Variants in THEMIS observed in about 807,000 individuals in gnomAD.
THEMIS encodes protein THEMIS.
A neutral mutation model predicts 52.6 loss-of-function variants in THEMIS; 37 were observed. The observed-to-expected ratio is 0.70, with a 90% CI of 0.54 to 0.93. The LOEUF (loss-of-function observed/expected upper bound fraction) is 0.93, where lower values mean the gene tolerates loss of function less well. Ranked by LOEUF, THEMIS falls within the 40% of genes least tolerant of loss-of-function variation. The pLI, the probability that THEMIS is intolerant of heterozygous loss-of-function variation, is 0.00. For synonymous variants in THEMIS, 292 were observed against 272.7 expected (o/e 1.07, Z -0.70); for missense variants, 808 against 763.1 (o/e 1.06, Z -0.69).
chr6:127,789,681 T>C (rs973497633), intron 4 of THEMIS, among the ~76,000 whole-genome samples: 3 of 152,118 alleles, frequency 2.0e-5, no homozygotes, highest in African/African-American at 7.2e-5. Flanking sequence ...TCCACCACCA[T>C]CAAGTCGGCT....
chr6:127,746,929 C>A (rs60047779), intron 4 of THEMIS, among the ~76,000 whole-genome samples: 5 of 33,068 alleles, frequency 1.5e-4, no homozygotes, highest in East Asian at 6.4e-3. Context: ...ATATAGATAT[C>A]TATAATTATA....
intron 4 of THEMIS, among the ~76,000 whole-genome samples, chr6:127,752,860 A>G (rs1420110218): frequency 6.6e-6 from 1 of 151,942 alleles, no homozygotes; most frequent in Non-Finnish European, 1.5e-5. Context: ...AAAGTCAGAC[A>G]AGAACCCAAA....
intron 4 of THEMIS, among the ~76,000 whole-genome samples, chr6:127,809,158 T>A (rs1281943997): frequency 6.6e-6 from 1 of 152,244 alleles, no homozygotes; most frequent in Non-Finnish European, 1.5e-5. Flanking sequence ...GAATAACTCT[T>A]ACTATTTGTT....
chr6:127,772,757 G>A (rs270013), intron 4 of THEMIS, among the ~76,000 whole-genome samples: 40,817 of 151,864 alleles, frequency 0.27, 6,947 homozygotes, highest in Non-Finnish European at 0.39. Context: ...TCTCAAATCC[G>A]ATATTATTAT....
rs560140269 is a variant in THEMIS at position 127,894,461 on chromosome 6, G to A, written c.91+6381C>T. On this transcript the variant is annotated intron_variant, in intron 1 of 5. Coordinates refer to ENST00000368248, the MANE Select transcript of THEMIS (RefSeq NM_001010923.3). ...AGAAATACATTATAATTAGATCTGAGGAATAATGAAAATGCTACATGGCAA... is the reference window on the plus strand; with the variant it reads ...AGAAATACATTATAATTAGATCTGAAGAATAATGAAAATGCTACATGGCAA... 6.6e-5 allele frequency among the ~76,000 whole-genome samples: 10 copies of A among 151,812 alleles called. No individual in the cohort carries two copies. In the South Asian group the frequency reaches 2.1e-3, roughly 31 times the overall value.
chr6:127,872,000 AAAT>A (rs905854241), intron 1 of THEMIS, among the ~76,000 whole-genome samples: 1 of 152,144 alleles, frequency 6.6e-6, no homozygotes, highest in East Asian at 1.9e-4. Context: ...CACATCAAAA[AAAT>A]AAACAAATAA....
upstream of THEMIS, among the ~76,000 whole-genome samples, chr6:127,902,338 A>AT (rs201752019): frequency 7.8e-3 from 1,159 of 148,840 alleles, 21 homozygotes; most frequent in African/African-American, 0.025. Flanking sequence ...AAAAAAAAAA[A>AT]AAAAAAATAA....
chr6:127,847,633 A>G (rs1407544915), intron 2 of THEMIS, among the ~76,000 whole-genome samples: 2 of 151,998 alleles, frequency 1.3e-5, no homozygotes, highest in Admixed American at 1.3e-4. Context: ...CACTGCTGAA[A>G]GAAATCATCA....
chr6:127,712,147 C>A (rs1401681578), intron 5 of THEMIS, among the ~76,000 whole-genome samples: 2 of 151,906 alleles, frequency 1.3e-5, no homozygotes, highest in African/African-American at 4.8e-5. Context: ...GTCCAACTCT[C>A]CCTTGTCAAT....
At chr6:127,840,889 G>A (rs990539454) in intron 2 of THEMIS, among the ~76,000 whole-genome samples, 4 of 152,028 alleles carry the variant, frequency 2.6e-5, no homozygotes, top group Admixed American at 2.6e-4. Context: ...ATGACGCTCT[G>A]AAAAAGGCAA....
At chr6:127,836,598 T>C (rs554203659) in intron 2 of THEMIS, among the ~76,000 whole-genome samples, 2 of 152,328 alleles carry the variant, frequency 1.3e-5, no homozygotes, top group African/African-American at 4.8e-5. Flanking sequence ...AGGATTTAAA[T>C]AGATTTTGAT....
chr6:127,773,206 T>C (rs1776445649), intron 4 of THEMIS, among the ~76,000 whole-genome samples: 2 of 152,290 alleles, frequency 1.3e-5, no homozygotes, highest in South Asian at 4.1e-4. Context: ...TTTATAACAG[T>C]CTCATATAAT....
chr6:127,863,044 G>C (rs1383311086), intron 1 of THEMIS, among the ~76,000 whole-genome samples: 2 of 152,012 alleles, frequency 1.3e-5, no homozygotes, highest in African/African-American at 2.4e-5. Flanking sequence ...ACTCCCAAAG[G>C]CTTAGTCAAA....
intron 4 of THEMIS, among the ~76,000 whole-genome samples, chr6:127,810,213 T>C (rs995676541): frequency 2.6e-5 from 4 of 152,054 alleles, no homozygotes; most frequent in Non-Finnish European, 5.9e-5. Context: ...TTTTTTTCCC[T>C]ATGAGTGCTT....
rs183572217 is a variant in THEMIS at position 127,855,489 on chromosome 6, C to T, written c.92-301G>A. On this transcript the variant is annotated intron_variant, in intron 1 of 5. Coordinates refer to ENST00000368248, the MANE Select transcript of THEMIS (RefSeq NM_001010923.3). ...GGTCAAACTACAAACGTATCTTCCA[C>T]TACTGAGATTTATGATCTGTTTTTG... Among the ~76,000 whole-genome samples, 60 of 152,006 alleles carry T rather than the reference C, an allele frequency of 3.9e-4. No individual in the cohort carries two copies. The East Asian group carries it at 9.3e-3, about 24-fold the overall frequency.
In THEMIS at chr6:127,795,939, G is replaced by A. The variant is rs1374659420; in HGVS notation, c.1758+16944C>T. 2.6e-5 allele frequency among the ~76,000 whole-genome samples: 4 copies of A among 152,080 alleles called. No individual in the cohort carries two copies. In the East Asian group the frequency reaches 5.8e-4, roughly 22 times the overall value. On this transcript the variant is annotated intron_variant, in intron 4 of 5. Coordinates refer to ENST00000368248, the MANE Select transcript of THEMIS (RefSeq NM_001010923.3). Reference sequence around the variant, plus strand: ...ACTGCTTCCAGAAAAGACAGGTAAAGGATTGTTTAGTCAATATGTGGTACT... The same window carrying A: ...ACTGCTTCCAGAAAAGACAGGTAAAAGATTGTTTAGTCAATATGTGGTACT...
intron 4 of THEMIS, among the ~76,000 whole-genome samples, chr6:127,774,265 G>A (rs1362589521): frequency 6.6e-6 from 1 of 152,184 alleles, no homozygotes; most frequent in African/African-American, 2.4e-5. Flanking sequence ...GAGTGCAGTG[G>A]CGCCATCTCC....
At chr6:127,880,817 T>C (rs996234570) in intron 1 of THEMIS, among the ~76,000 whole-genome samples, 1 of 152,134 alleles carries the variant, frequency 6.6e-6, no homozygotes, top group East Asian at 1.9e-4. Context: ...TAATAAGTTA[T>C]TTTTAAAATA....
At chr6:127,906,362 G>T (rs1302607660) in intron 1 of THEMIS, among the ~76,000 whole-genome samples, 1 of 151,712 alleles carries the variant, frequency 6.6e-6, no homozygotes, top group Non-Finnish European at 1.5e-5. Context: ...AATATCTAAA[G>T]CAAAATTGAC....
Sources: allele counts gnomAD v4.1 joint callset (sites outside exome capture counted in the v4.1 genomes callset), GRCh38; gene constraint gnomAD v4.1.1; transcripts MANE v1.5; gene names NCBI Gene and HGNC (gene_info 2026-07-23, HGNC 2026-07-21).